The following SNX31 variants were observed in gnomAD, a reference collection of about 807,000 sequenced individuals.
The protein encoded by SNX31 is sorting nexin 31.
A neutral mutation model predicts 65.4 loss-of-function variants in SNX31; 58 were observed. The observed-to-expected ratio is 0.89, with a 90% CI of 0.72 to 1.10. SNX31 has a LOEUF of 1.10. SNX31 is among the 50% of genes least tolerant of loss of function. The pLI is 0.00. For missense variants in SNX31, 523 were observed against 529.7 expected (o/e 0.99, Z 0.12); for synonymous variants, 181 against 190.1 (o/e 0.95, Z 0.39).
chr8:100,601,938 C>T (rs1815669836), intron 8 of SNX31, among the ~76,000 whole-genome samples: 1 of 152,206 alleles, frequency 6.6e-6, no homozygotes, highest in Non-Finnish European at 1.5e-5. Flanking sequence ...CCTCTTGGCA[C>T]CCAGCTCCCT....
In SNX31 at chr8:100,626,187, C is replaced by T. The variant is rs1268347190; in HGVS notation, c.321+4140G>A. ...GTAGTGACTACCTCATATCTATTAA[C>T]ATTGTGCCGGATGATATGCTTTAAG... On this transcript the variant is annotated intron_variant, in intron 4 of 13. Coordinates refer to ENST00000311812, the MANE Select transcript of SNX31 (RefSeq NM_152628.4). The surrounding 1 kb of genome is among the most constrained non-coding windows in gnomAD (Gnocchi z 4.4). Among the ~76,000 whole-genome samples the T allele has an allele frequency of 6.6e-6, 1 of 152,196 alleles. No individual in the cohort carries two copies. Among genetic ancestry groups the T allele is most frequent in the Non-Finnish European group, 1.5e-5 (1 of 68,034 alleles).
At position 100,613,767 on chromosome 8, in the gene SNX31, C is replaced by T. The variant is rs1362704494; in HGVS notation, c.433-682G>A. Among the ~76,000 whole-genome samples the T allele has an allele frequency of 1.3e-5, 2 of 152,204 alleles. No individual in the cohort carries two copies. The highest frequency in any genetic ancestry group is 4.8e-5 in the African/African-American group (2 of 41,446). On this transcript the variant is annotated intron_variant, in intron 5 of 13. Transcript: ENST00000311812. The surrounding 1 kb of genome is among the most constrained non-coding windows in gnomAD (Gnocchi z 5.2). ...ATCAGCCTACCAGGGTGTCACCTCA[C>T]AGCATTGGACATCTACTCACGCTCC...
At chr8:100,646,731 A>G (rs1263126850) in intron 2 of SNX31, among the ~76,000 whole-genome samples, 1 of 152,250 alleles carries the variant, frequency 6.6e-6, no homozygotes, top group Non-Finnish European at 1.5e-5. Flanking sequence ...TACATTTACC[A>G]AAATTCATTA....
chr8:100,630,786 A>C lies in SNX31; in HGVS notation c.257-395T>G, dbSNP rs1818358738. Reference sequence around the variant, plus strand: ...AATTTGAAAATTTAATTCAACCAAGAAACATCAACTGAGAGCACCTCTTTG... The same window carrying C: ...AATTTGAAAATTTAATTCAACCAAGCAACATCAACTGAGAGCACCTCTTTG... On this transcript the variant is annotated intron_variant, in intron 3 of 13. Coordinates refer to ENST00000311812, the MANE Select transcript of SNX31 (RefSeq NM_152628.4). This position sits in a 1 kb window ranked among gnomAD's most constrained non-coding sequence, Gnocchi z 5.3. 6.6e-6 allele frequency among the ~76,000 whole-genome samples: 1 copy of C among 152,202 alleles called. No individual in the cohort carries two copies. The highest frequency in any genetic ancestry group is 6.5e-5 in the Admixed American group (1 of 15,286).
At chr8:100,599,688 A>G (rs1254546204) in intron 9 of SNX31, among the ~76,000 whole-genome samples, 1 of 152,180 alleles carries the variant, frequency 6.6e-6, no homozygotes, top group African/African-American at 2.4e-5. Flanking sequence ...AAGTCAGAAG[A>G]ATTTTTAAAA....
intron 1 of SNX31, among the ~76,000 whole-genome samples, chr8:100,661,005 A>AT (rs1457172508): frequency 1.1e-5 from 1 of 93,942 alleles, no homozygotes. Flanking sequence ...AAGCAGGTCG[A>AT]TATTTTTTTT....
At position 100,610,214 on chromosome 8, in the gene SNX31, A is replaced by G. The variant is rs1816583757; in HGVS notation, c.612-1651T>C. On this transcript the variant is annotated intron_variant, in intron 7 of 13. Transcript: ENST00000311812. This position sits in a 1 kb window ranked among gnomAD's most constrained non-coding sequence, Gnocchi z 4.0. ...GGGGTAGACGTTTTCTCTTGCACGTATCATCTAGAGTTTACGTATTTAAAA... is the reference window on the plus strand; with the variant it reads ...GGGGTAGACGTTTTCTCTTGCACGTGTCATCTAGAGTTTACGTATTTAAAA... 1.3e-5 allele frequency among the ~76,000 whole-genome samples: 2 copies of G among 152,220 alleles called. No individual in the cohort carries two copies. Among genetic ancestry groups the G allele is most frequent in the Non-Finnish European group, 2.9e-5 (2 of 68,032 alleles).
intron 8 of SNX31, among the ~76,000 whole-genome samples, chr8:100,608,013 C>T (rs771817308): frequency 2.0e-5 from 3 of 152,118 alleles, no homozygotes; most frequent in African/African-American, 7.2e-5. Context: ...TTAAGGATCA[C>T]GTGTGACTTT....
chr8:100,608,166 A>G (rs1036582697), intron 8 of SNX31, among the ~76,000 whole-genome samples: 1 of 152,206 alleles, frequency 6.6e-6, no homozygotes, highest in Non-Finnish European at 1.5e-5. Context: ...ATCGTGGTAA[A>G]ATATATACAA....
chr8:100,596,143 T>G, intron 10 of SNX31, among the ~76,000 whole-genome samples: 1 of 152,308 alleles, frequency 6.6e-6, no homozygotes, highest in East Asian at 1.9e-4. Flanking sequence ...TGGGGTCTTA[T>G]AGGCTGAATT....
chr8:100,659,397 T>G (rs1444787615), intron 1 of SNX31, among the ~76,000 whole-genome samples: 2 of 148,858 alleles, frequency 1.3e-5, no homozygotes, highest in African/African-American at 4.9e-5. Flanking sequence ...GACATCACAC[T>G]GTTCTTTTCA....
chr8:100,592,225 GGA>G (rs1272066338), intron 10 of SNX31, among the ~76,000 whole-genome samples: 1 of 151,608 alleles, frequency 6.6e-6, no homozygotes, highest in Non-Finnish European at 1.5e-5. Context: ...GGAGAGAAAT[GGA>G]AAATATAAAA....
At position 100,635,927 on chromosome 8, in the gene SNX31, T is replaced by C; in HGVS notation, c.226A>G (p.Arg76Gly). 1 of 1,614,060 alleles carries C rather than the reference T, an allele frequency of 6.2e-7. No homozygotes were observed. The highest frequency in any genetic ancestry group is 8.5e-7 in the Non-Finnish European group (1 of 1,179,904). The change falls in exon 3 of 14, where the codon AGG becomes GGG. Residue 76 changes from arginine to glycine, a missense_variant. Coordinates refer to ENST00000311812, the MANE Select transcript of SNX31 (RefSeq NM_152628.4). The part of the protein sequence containing the change: ...AMTTAMADER[R>G]DQLEQYLQNV... ...TGCAAATATTGTTCCAGTTGGTCCC[T>C]CCTCTCATCAGCCATAGCTGTGGTC...
At position 100,626,342 on chromosome 8, in the gene SNX31, G is replaced by A. The variant is rs1818041141; in HGVS notation, c.321+3985C>T. ...CCAAGTCATATAAATCAAAAGTAGG[G>A]CAGCCAAAATTTGAACTGAGGCCAT... On this transcript the variant is annotated intron_variant, in intron 4 of 13. Transcript: ENST00000311812. The surrounding 1 kb of genome is among the most constrained non-coding windows in gnomAD (Gnocchi z 4.4). Among the ~76,000 whole-genome samples the A allele has an allele frequency of 6.6e-6, 1 of 152,136 alleles. No individual in the cohort carries two copies. The highest frequency in any genetic ancestry group is 6.5e-5 in the Admixed American group (1 of 15,268).
At chr8:100,634,401 T>C (rs1055490006) in intron 3 of SNX31, among the ~76,000 whole-genome samples, 9 of 79,458 alleles carry the variant, frequency 1.1e-4, no homozygotes, top group Non-Finnish European at 2.3e-5. Flanking sequence ...TCCAGAAACT[T>C]TTTTTTTAAC....
intron 3 of SNX31, among the ~76,000 whole-genome samples, chr8:100,631,013 C>T (rs1563569748): frequency 6.6e-6 from 1 of 152,074 alleles, no homozygotes; most frequent in Non-Finnish European, 1.5e-5. Flanking sequence ...GTCTCAAATG[C>T]CCAACCTCAG....
chr8:100,608,381 G>A (rs1816380760), intron 8 of SNX31, 113 bp downstream of exon 8: 2 of 883,272 alleles, frequency 2.3e-6, no homozygotes, highest in Admixed American at 4.0e-5. Flanking sequence ...CTATGAATGT[G>A]CCTGTTTTAG....
intron 5 of SNX31, among the ~76,000 whole-genome samples, chr8:100,615,002 A>G (rs1817047246): frequency 6.6e-6 from 1 of 152,240 alleles, no homozygotes; most frequent in South Asian, 2.1e-4. Context: ...GGCGATTTTT[A>G]ATTATAAAAC....
intron 12 of SNX31, among the ~76,000 whole-genome samples, chr8:100,580,170 A>G (rs1044317258): frequency 3.9e-5 from 6 of 152,070 alleles, no homozygotes; most frequent in African/African-American, 1.4e-4. Flanking sequence ...AAAAAAAAAA[A>G]AAAAAAACAG....
Sources: gnomAD v4.1 joint callset for allele counts (sites outside exome capture counted in the v4.1 genomes callset) on GRCh38, gnomAD v4.1.1 for gene constraint, Gnocchi (gnomAD v3.1) non-coding constraint, MANE v1.5 for transcripts, NCBI Gene and HGNC (gene_info 2026-07-23, HGNC 2026-07-21) for gene names.